The following GID8 variants were observed in gnomAD, a reference collection of about 807,000 sequenced individuals.
The protein encoded by GID8 is glucose-induced degradation protein 8 homolog.
A neutral mutation model predicts 27.4 loss-of-function variants in GID8; 6 were observed. That is an observed-to-expected ratio of 0.22 (90% CI 0.12 to 0.43). The LOEUF is 0.43. Ranked by LOEUF, GID8 falls within the 20% of genes least tolerant of loss-of-function variation. The pLI is 1.00. For synonymous variants in GID8, 112 were observed against 109.0 expected, an observed-to-expected ratio of 1.03 and a Z score of -0.17; for missense variants, 173 against 287.6, an observed-to-expected ratio of 0.60 and a Z score of 2.88.
rs1434540771 is a variant in GID8, at chr20:62,946,049, C to T, written c.*1137C>T. ...TCGGGACAGTTGATGGGCACATGGC[C>T]TTGTAGCTCTGGGCACAGATGTGTT... On this transcript the variant is annotated 3_prime_UTR_variant, in exon 5 of 5. Transcript: ENST00000266069. 1.6e-6 allele frequency: 2 copies of T among 1,283,474 alleles called. No individual in the cohort carries two copies. The highest frequency in any genetic ancestry group is 1.0e-6 in the Non-Finnish European group (1 of 983,584). The allele number at this position is 1,283,474 out of a possible 1,614,324, so 79.5% of individuals were successfully genotyped here.
At chr20:62,941,358 G>T (rs774835183) in intron 1 of GID8, 133 bp from the exon 2 acceptor site, 3 of 612,492 alleles carry the variant, frequency 4.9e-6, no homozygotes, top group Non-Finnish European at 5.9e-6. Flanking sequence ...AGTCTGGTGG[G>T]TGTCCCACGG....
rs935486899 is a variant in GID8, at chr20:62,945,080, G to C, written c.*168G>C. ...GGGAAAAATGGCCTTTGTAGGCAGT[G>C]GAAAACTTGCAAGGAAAGCTGCCGT... On this transcript the variant is annotated 3_prime_UTR_variant, in exon 5 of 5. Coordinates refer to ENST00000266069, the MANE Select transcript of GID8 (RefSeq NM_017896.3). The C allele has an allele frequency of 4.3e-6, 6 of 1,411,242 alleles. No individual in the cohort carries two copies. The highest frequency in any genetic ancestry group is 1.4e-5 in the African/African-American group (1 of 69,302). 87.4% of individuals were successfully genotyped at this position (1,411,242 alleles called of 1,614,324 possible).
chr20:62,945,966 C>G lies in GID8; in HGVS notation c.*1054C>G. On this transcript the variant is annotated 3_prime_UTR_variant, in exon 5 of 5. Coordinates refer to ENST00000266069, the MANE Select transcript of GID8 (RefSeq NM_017896.3). Reference sequence around the variant, plus strand: ...GCTTCTGTTCACTCACAGAACTGTCCCCTGCTCCGTGGTGGGCAGGAGGGA... The same window carrying G: ...GCTTCTGTTCACTCACAGAACTGTCGCCTGCTCCGTGGTGGGCAGGAGGGA... 1.6e-6 allele frequency: 2 copies of G among 1,289,440 alleles called. No homozygotes were observed. The highest frequency in any genetic ancestry group is 2.0e-6 in the Non-Finnish European group (2 of 988,852). The allele number at this position is 1,289,440 out of a possible 1,614,324, so 79.9% of individuals were successfully genotyped here.
At chr20:62,942,925 CAA>C (rs1323801571) in intron 2 of GID8, 60 bp from the exon 3 acceptor site, 3 of 1,266,438 alleles carry the variant, frequency 2.4e-6, no homozygotes, top group Admixed American at 3.8e-5. Context: ...TCTGGAGATA[CAA>C]AGTCTTTGCC....
At chr20:62,941,461 C>A (rs1482456321) in intron 1 of GID8, 30 bp from the exon 2 acceptor site, 3 of 1,259,456 alleles carry the variant, frequency 2.4e-6, no homozygotes, top group Admixed American at 3.4e-5. Flanking sequence ...CATCTAAACC[C>A]CTCCCTCAGC....
chr20:62,941,045 C>T (rs540774367), intron 1 of GID8, among the ~76,000 whole-genome samples: 1 of 152,362 alleles, frequency 6.6e-6, no homozygotes, highest in Admixed American at 6.5e-5. Flanking sequence ...TTTAAACATG[C>T]AGTTCTGTGC....
rs370593707 is a variant in GID8 at position 62,943,419 on chromosome 20, T to C, written c.316-76T>C. 229 of 1,346,290 alleles carry C rather than the reference T, an allele frequency of 1.7e-4. 2 individuals carry two copies. The highest frequency in any genetic ancestry group is 2.3e-4 in the East Asian group (10 of 43,296). The allele number at this position is 1,346,290 out of a possible 1,614,324, so 83.4% of individuals were successfully genotyped here. A position where few individuals can be genotyped will look rare whatever the true frequency, so the allele number is the denominator to read the frequency against. On this transcript the variant is annotated intron_variant, in intron 3 of 4. Coordinates refer to ENST00000266069, the MANE Select transcript of GID8 (RefSeq NM_017896.3). This position sits in a 1 kb window ranked among gnomAD's most constrained non-coding sequence, Gnocchi z 4.7. The stretch of plus-strand genomic sequence containing the variant: ...TCTTCCCTCTGTGATGTACTTTTGA[T>C]TGGGACCTGGTACCACCTGCCCTAA...
Position 62,945,076 on chromosome 20 carries a change from C to T in GID8, c.*164C>T, listed in dbSNP as rs538384169. On this transcript the variant is annotated 3_prime_UTR_variant, in exon 5 of 5. Coordinates refer to ENST00000266069, the MANE Select transcript of GID8 (RefSeq NM_017896.3). ...TATAGGGAAAAATGGCCTTTGTAGG[C>T]AGTGGAAAACTTGCAAGGAAAGCTG... 239 of 1,412,690 alleles carry T rather than the reference C, an allele frequency of 1.7e-4. No individual in the cohort carries two copies. The highest frequency in any genetic ancestry group is 2.2e-4 in the Non-Finnish European group (236 of 1,086,708). The allele number at this position is 1,412,690 out of a possible 1,614,324, so 87.5% of individuals were successfully genotyped here. A position where few individuals can be genotyped will look rare whatever the true frequency, so the allele number is the denominator to read the frequency against.
In GID8 at chr20:62,943,026, C is replaced by G; in HGVS notation, c.158C>G (p.Ser53Cys). The change falls in exon 3 of 5, where the codon TCT (serine) becomes TGT (cysteine). Residue 53 changes from serine to cysteine, a missense_variant. Coordinates refer to ENST00000266069, the MANE Select transcript of GID8 (RefSeq NM_017896.3). This position sits in a 1 kb window ranked among gnomAD's most constrained non-coding sequence, Gnocchi z 4.7. Reference protein sequence around the residue: ...KEAAEKFRMESGIEPSVDLET... With the variant: ...KEAAEKFRMECGIEPSVDLET... The stretch of plus-strand genomic sequence containing the variant: ...GCAGCGGAGAAGTTTCGAATGGAAT[C>G]TGGAATCGAACCTAGTGTGGATCTG... 1 of 1,613,932 alleles carries G rather than the reference C, an allele frequency of 6.2e-7. No homozygotes were observed. The highest frequency in any genetic ancestry group is 8.5e-7 in the Non-Finnish European group (1 of 1,179,810).
Position 62,945,093 on chromosome 20 carries a change from G to A in GID8, c.*181G>A. The stretch of plus-strand genomic sequence containing the variant: ...TTTGTAGGCAGTGGAAAACTTGCAA[G>A]GAAAGCTGCCGTCTCTTTGGCAGTC... On this transcript the variant is annotated 3_prime_UTR_variant, in exon 5 of 5. Transcript: ENST00000266069. The A allele has an allele frequency of 1.4e-6, 2 of 1,406,926 alleles. No individual in the cohort carries two copies. The highest frequency in any genetic ancestry group is 3.2e-5 in the South Asian group (2 of 62,728). 87.2% of individuals were successfully genotyped at this position (1,406,926 alleles called of 1,614,324 possible).
At position 62,948,260 on chromosome 20, in the gene GID8, T is replaced by A. The variant is rs1293231812; in HGVS notation, c.*3348T>A. 6.6e-6 allele frequency: 1 copy of A among 152,250 alleles called. No individual in the cohort carries two copies. Among genetic ancestry groups the A allele is most frequent in the African/African-American group, 2.4e-5 (1 of 41,468 alleles). The allele number at this position is 152,250 out of a possible 1,614,324, so 9.4% of individuals were successfully genotyped here. A position where few individuals can be genotyped will look rare whatever the true frequency, so the allele number is the denominator to read the frequency against. On this transcript the variant is annotated 3_prime_UTR_variant, in exon 5 of 5. Transcript: ENST00000266069. ...TTTGTTTCAGAAATATGTATTGCTT[T>A]TCTCATATTTTTTGCAAATTGTATT...
In GID8 at chr20:62,946,232, A is replaced by G. The variant is rs2065465993; in HGVS notation, c.*1320A>G. 3.0e-6 allele frequency: 1 copy of G among 335,004 alleles called. No individual in the cohort carries two copies. Among genetic ancestry groups the G allele is most frequent in the Non-Finnish European group, 5.9e-6 (1 of 169,772 alleles). 20.8% of individuals were successfully genotyped at this position (335,004 alleles called of 1,614,324 possible). A position where few individuals can be genotyped will look rare whatever the true frequency, so the allele number is the denominator to read the frequency against. The stretch of plus-strand genomic sequence containing the variant: ...ATCTGAGGGGCAGAATGCTGCTAGC[A>G]CTTGAATCTGGGATCTCGCCTTATT... On this transcript the variant is annotated 3_prime_UTR_variant, in exon 5 of 5. Transcript: ENST00000266069.
intron 4 of GID8, among the ~76,000 whole-genome samples, chr20:62,944,327 G>C (rs2065456346): frequency 6.6e-6 from 1 of 152,166 alleles, no homozygotes; most frequent in Admixed American, 6.5e-5. Context: ...GGCAGAACAT[G>C]ACAGCTCCTC....
intron 4 of GID8, among the ~76,000 whole-genome samples, chr20:62,944,214 T>A (rs1207172219): frequency 1.3e-5 from 2 of 152,176 alleles, no homozygotes; most frequent in African/African-American, 4.8e-5. Context: ...TTTGCTGGTG[T>A]CTTATATTTA....
At chr20:62,944,486 G>A (rs1275999259) in intron 4 of GID8, among the ~76,000 whole-genome samples, 1 of 152,132 alleles carries the variant, frequency 6.6e-6, no homozygotes, top group African/African-American at 2.4e-5. Context: ...GTCCTGCTAC[G>A]CTGGTCTTAC....
At chr20:62,939,664 C>T (rs2065430450) in intron 1 of GID8, among the ~76,000 whole-genome samples, 1 of 152,102 alleles carries the variant, frequency 6.6e-6, no homozygotes, top group African/African-American at 2.4e-5. Flanking sequence ...GGTAATCTGT[C>T]TAGCAGCAGC....
At chr20:62,941,426 G>T in intron 1 of GID8, 65 bp from the exon 2 acceptor site, 1 of 866,586 alleles carries the variant, frequency 1.2e-6, no homozygotes, top group Non-Finnish European at 2.0e-6. Flanking sequence ...AGCTCTTCCA[G>T]CGCTGCCCTC....
At position 62,938,192 on chromosome 20, in the gene GID8, CAG is replaced by C. The variant is rs2147624372; in HGVS notation, c.-73_-72del. 5.0e-6 allele frequency: 1 copy of C among 201,980 alleles called. No homozygotes were observed. The highest frequency in any genetic ancestry group is 2.3e-5 in the African/African-American group (1 of 43,134). 12.5% of individuals were successfully genotyped at this position (201,980 alleles called of 1,614,324 possible). ...CGGCGGCCGCCACCTCTCCCCAGCC[CAG>C]GAGAGGCTGCGGAGCCGCAGCCGCC... On this transcript the variant is annotated 5_prime_UTR_variant, in exon 1 of 5. Transcript: ENST00000266069.
intron 4 of GID8, 83 bp from the exon 5 acceptor site, chr20:62,944,655 GT>G (rs2065457737): frequency 2.1e-6 from 2 of 932,826 alleles, no homozygotes; most frequent in African/African-American, 1.6e-5. Context: ...AGAGCTTAAT[GT>G]TTGTTTAAAC....
Sources: allele counts gnomAD v4.1 joint callset (sites outside exome capture counted in the v4.1 genomes callset), GRCh38; gene constraint gnomAD v4.1.1; non-coding constraint Gnocchi (gnomAD v3.1); transcripts MANE v1.5; gene names NCBI Gene and HGNC (gene_info 2026-07-23, HGNC 2026-07-21).